The following MTRR variants were observed in gnomAD, a reference collection of about 807,000 sequenced individuals.
The protein encoded by MTRR is 5-methyltetrahydrofolate-homocysteine methyltransferase reductase, also known as methionine synthase reductase.
A neutral mutation model predicts 79.2 loss-of-function variants in MTRR; 63 were observed. The ratio of observed to expected loss-of-function variants is 0.80; its 90% CI spans 0.65 to 0.98. The LOEUF (loss-of-function observed/expected upper bound fraction) is 0.98. Among genes scored for constraint, MTRR ranks in the 50% least tolerant of loss-of-function variants. The pLI is 0.00. For missense variants in MTRR, 895 were observed against 839.6 expected, an observed-to-expected ratio of 1.07 and a Z score of -0.82; for synonymous variants, 355 against 313.3, an observed-to-expected ratio of 1.13 and a Z score of -1.41.
Position 7,869,213 on chromosome 5 carries a change from T to G in MTRR, c.-28T>G, listed in dbSNP as rs750278866. The G allele has an allele frequency of 1.2e-6, 2 of 1,606,456 alleles. No individual in the cohort carries two copies. Among genetic ancestry groups the G allele is most frequent in the East Asian group, 4.5e-5 (2 of 44,866 alleles). On this transcript the variant is annotated splice_region_variant and 5_prime_UTR_variant, in exon 1 of 15. Coordinates refer to ENST00000440940, the MANE Select transcript of MTRR (RefSeq NM_002454.3). ...AGGTTCGTGCCCGGCTGGCGCGGCG[T>G]GGGTAAGCTGCCTGTCGGCTACGGT...
At chr5:7,893,031 C>T in intron 11 of MTRR, 118 bp downstream of exon 11, 7 of 1,230,758 alleles carry the variant, frequency 5.7e-6, no homozygotes, top group Non-Finnish European at 8.0e-6. Flanking sequence ...TTATGCTGTT[C>T]TTGAATTTTA....
chr5:7,887,792 GCATATATATATATA>G lies in MTRR; in HGVS notation c.1146+1090_1146+1103del, dbSNP rs1561237855. Among the ~76,000 whole-genome samples the G allele has an allele frequency of 3.1e-4, 8 of 25,992 alleles. No individual in the cohort carries two copies. The South Asian group carries it at 0.015, about 50-fold the overall frequency. 17.1% of individuals were successfully genotyped at this position (25,992 alleles called of 152,430 possible). A position where few individuals can be genotyped will look rare whatever the true frequency, so the allele number is the denominator to read the frequency against. ...TGTATATATTTGTGTGTGTGTGTGT[GCATATATATATATA>G]TATATATATATATATATATATATAT... On this transcript the variant is annotated intron_variant, in intron 8 of 14. Coordinates refer to ENST00000440940, the MANE Select transcript of MTRR (RefSeq NM_002454.3).
At chr5:7,860,620 G>C (rs181848089) in intron 1 of MTRR, among the ~76,000 whole-genome samples, 7 of 152,182 alleles carry the variant, frequency 4.6e-5, no homozygotes, top group African/African-American at 1.4e-4. Context: ...TAAACTAGAC[G>C]TAAGATCGGT....
rs1348122310 is a variant in MTRR at position 7,885,695 on chromosome 5, C to G, written c.904-6C>G. 5.7e-6 allele frequency: 9 copies of G among 1,584,714 alleles called. No homozygotes were observed. The East Asian group carries it at 2.0e-4, about 36-fold the overall frequency. On this transcript the variant is annotated splice_polypyrimidine_tract_variant and splice_region_variant and intron_variant, in intron 6 of 14. Coordinates refer to ENST00000440940, the MANE Select transcript of MTRR (RefSeq NM_002454.3). The stretch of plus-strand genomic sequence containing the variant: ...TTTTTTTTTTTTCATTTTGGCTCTT[C>G]TCTAGAATACAGACTTTTCCTATCA...
At chr5:7,862,823 C>T in intron 2 of MTRR, 1 of 1,610,080 alleles carries the variant, frequency 6.2e-7, no homozygotes, top group Non-Finnish European at 8.5e-7. Context: ...TACTACTTAC[C>T]TATTGTATAA....
rs1739264197 is a variant in MTRR, at chr5:7,900,219, T to G, written c.*161T>G. 7.4e-6 allele frequency: 6 copies of G among 808,934 alleles called. No individual in the cohort carries two copies. The Admixed American group carries it at 1.4e-4, about 19-fold the overall frequency. The allele number at this position is 808,934 out of a possible 1,614,324, so 50.1% of individuals were successfully genotyped here. The stretch of plus-strand genomic sequence containing the variant: ...GGATCATTTAACAATATAACAAAAC[T>G]TCCTGATTTGATTTTACGTATCTTC... On this transcript the variant is annotated 3_prime_UTR_variant, in exon 15 of 15. Transcript: ENST00000440940.
upstream of MTRR, chr5:7,866,565 A>G: frequency 5.8e-6 from 6 of 1,033,704 alleles, no homozygotes; most frequent in Non-Finnish European, 7.1e-6. Context: ...AAGGCAACAT[A>G]TTGCCTTTAT....
At chr5:7,887,816 A>G (rs1322539235) in intron 8 of MTRR, among the ~76,000 whole-genome samples, 1 of 37,834 alleles carries the variant, frequency 2.6e-5, no homozygotes, top group Non-Finnish European at 4.6e-5. Flanking sequence ...ATATATATAT[A>G]TATATATATA....
chr5:7,856,360 A>G (rs1746247108), intron 1 of MTRR, among the ~76,000 whole-genome samples: 1 of 152,208 alleles, frequency 6.6e-6, no homozygotes, highest in South Asian at 2.1e-4. Context: ...GATGATAATT[A>G]ACAAAGGCAG....
chr5:7,896,965 C>T lies in MTRR; in HGVS notation c.1769+9C>T. ...AGGGATTATCTATTCAGGTATTGTA[C>T]AATTCCAGTATTGTACTCAACCACT... is the stretch of plus-strand genomic sequence containing the variant. On this transcript the variant is annotated intron_variant, in intron 13 of 14. Coordinates refer to ENST00000440940, the MANE Select transcript of MTRR (RefSeq NM_002454.3). 3 of 1,613,600 alleles carry T rather than the reference C, an allele frequency of 1.9e-6. No homozygotes were observed. Among genetic ancestry groups the T allele is most frequent in the East Asian group, 2.2e-5 (1 of 44,862 alleles).
At position 7,863,027 on chromosome 5, in the gene MTRR, A is replaced by C. The variant is rs762499448; in HGVS notation, n.498+970A>C. 2.6e-6 allele frequency: 4 copies of C among 1,566,902 alleles called. No individual in the cohort carries two copies. In the South Asian group the frequency reaches 4.6e-5, roughly 18 times the overall value. ...AAAATCATAAGTGCAAATGTGAGAA[A>C]GAAAAATAAGATATAACAACAGAGA... On this transcript the variant is annotated intron_variant and non_coding_transcript_variant, in intron 2 of 3. Transcript: ENST00000502509.
At chr5:7,885,591 G>T in intron 6 of MTRR, 110 bp from the exon 7 acceptor site, 4 of 982,874 alleles carry the variant, frequency 4.1e-6, no homozygotes, top group Non-Finnish European at 6.0e-6. Context: ...TATTTTCTGA[G>T]TTCACATATT....
chr5:7,865,771 G>T, upstream of MTRR: 1 of 668,180 alleles, frequency 1.5e-6, no homozygotes, highest in Admixed American at 2.3e-5. Flanking sequence ...AGCCTATCTG[G>T]TGGCAACTGA....
chr5:7,871,981 T>C (rs1020687641), intron 2 of MTRR, among the ~76,000 whole-genome samples: 7 of 148,238 alleles, frequency 4.7e-5, no homozygotes, highest in African/African-American at 1.5e-4. Context: ...TCAGCAGGTG[T>C]TTTGGCAGTC....
upstream of MTRR, chr5:7,866,079 C>G: frequency 1.2e-6 from 1 of 864,008 alleles, no homozygotes; most frequent in South Asian, 1.5e-5. Flanking sequence ...ACACTCCAGA[C>G]AGAAGTATTC....
chr5:7,861,415 TTAA>T, intron 1 of MTRR: 4 of 605,934 alleles, frequency 6.6e-6, no homozygotes, highest in Non-Finnish European at 8.0e-6. Flanking sequence ...CTTATTAATA[TTAA>T]TGTTTATAAA....
chr5:7,895,265 T>C (rs956072948), intron 11 of MTRR, among the ~76,000 whole-genome samples: 2 of 152,204 alleles, frequency 1.3e-5, no homozygotes, highest in African/African-American at 4.8e-5. Context: ...GAATAGCAAA[T>C]ACAGCACCAT....
chr5:7,891,323 A>G (rs753813935), intron 9 of MTRR, 49 bp from the exon 10 acceptor site: 2 of 540,090 alleles, frequency 3.7e-6, no homozygotes, highest in Non-Finnish European at 6.0e-6. Flanking sequence ...AGGTAAGGTT[A>G]TTTTCAGTAG....
chr5:7,887,550 T>TTA (rs919504731), intron 8 of MTRR, among the ~76,000 whole-genome samples: 18 of 147,406 alleles, frequency 1.2e-4, no homozygotes, highest in Admixed American at 2.0e-4. Context: ...ATATGTATAT[T>TTA]TATATATATA....
Sources: allele counts gnomAD v4.1 joint callset (sites outside exome capture counted in the v4.1 genomes callset), GRCh38; gene constraint gnomAD v4.1.1; transcripts MANE v1.5; gene names NCBI Gene and HGNC (gene_info 2026-07-23, HGNC 2026-07-21).